GPHN: variants seen among roughly 807,000 people sequenced by gnomAD.
GPHN encodes the protein gephyrin.
Under a neutral mutation model 95.5 loss-of-function variants are expected in GPHN, and 17 were observed. The observed-to-expected ratio is 0.18, with a 90% CI of 0.12 to 0.27. GPHN has a LOEUF of 0.27. Ranked by LOEUF, GPHN falls within the 10% of genes least tolerant of loss-of-function variation. The probability of loss-of-function intolerance (pLI) is 1.00; values close to 1 mark genes in which losing one functional copy is unlikely to be tolerated. For synonymous variants in GPHN, 320 were observed against 322.5 expected (o/e 0.99, Z 0.08); for missense variants, 660 against 978.1 (o/e 0.67, Z 4.34).
At chr14:67,441,585 G>A in the GPHN span, among the ~76,000 whole-genome samples, 1 of 152,152 alleles carries the variant, frequency 6.6e-6, no homozygotes, top group Non-Finnish European at 1.5e-5. Context: ...CAGGTGCTTG[G>A]CTCAACATTA....
At chr14:67,367,109 A>C in the GPHN span, among the ~76,000 whole-genome samples, 5 of 152,350 alleles carry the variant, frequency 3.3e-5, no homozygotes, top group East Asian at 9.6e-4. Flanking sequence ...ACTGAAACAC[A>C]GGGTGGACTC....
At chr14:67,445,190 G>A in the GPHN span, among the ~76,000 whole-genome samples, 1 of 152,176 alleles carries the variant, frequency 6.6e-6, no homozygotes, top group Non-Finnish European at 1.5e-5. Context: ...ATCATAAGTA[G>A]AGCAATTTCT....
chr14:67,725,403 C>G, the GPHN span: 13 of 830,176 alleles, frequency 1.6e-5, no homozygotes, highest in Admixed American at 2.6e-4. Context: ...AGGGAATTGG[C>G]AAGAGGATGG....
chr14:67,155,497 C>A (rs1350107469), intron 18 of GPHN, among the ~76,000 whole-genome samples: 1 of 152,056 alleles, frequency 6.6e-6, no homozygotes, highest in African/African-American at 2.4e-5. Context: ...CTCACATGGA[C>A]TTTAATAACC....
At chr14:66,580,917 A>G (rs1407120267) in intron 1 of GPHN, among the ~76,000 whole-genome samples, 1 of 151,862 alleles carries the variant, frequency 6.6e-6, no homozygotes, top group East Asian at 1.9e-4. Context: ...GAAATTCTCA[A>G]TGAAATACTA....
At chr14:66,703,996 A>G (rs1340133592) in intron 2 of GPHN, among the ~76,000 whole-genome samples, 3 of 152,026 alleles carry the variant, frequency 2.0e-5, no homozygotes, top group Non-Finnish European at 4.4e-5. Context: ...AAAAAGAAAA[A>G]AAAAAGGGCA....
chr14:66,654,926 C>T (rs928991571), intron 1 of GPHN, among the ~76,000 whole-genome samples: 2 of 152,102 alleles, frequency 1.3e-5, no homozygotes, highest in Non-Finnish European at 2.9e-5. Flanking sequence ...ATCGGTTGGG[C>T]ATATTTGTGT....
intron 13 of GPHN, among the ~76,000 whole-genome samples, chr14:67,108,439 C>CA (rs2153684146): frequency 6.6e-6 from 1 of 152,224 alleles, no homozygotes; most frequent in Non-Finnish European, 1.5e-5. Context: ...GACCACAGCA[C>CA]AGAGTAGAGA....
chr14:67,622,431 G>T, the GPHN span, among the ~76,000 whole-genome samples: 28 of 152,152 alleles, frequency 1.8e-4, no homozygotes, highest in Non-Finnish European at 3.5e-4. Context: ...TATGGATATG[G>T]TGACATGGAT....
chr14:67,271,638 T>A, the GPHN span: 1 of 152,268 alleles, frequency 6.6e-6, no homozygotes, highest in African/African-American at 2.4e-5. Context: ...TTAAACATGC[T>A]GTCTTGGGTA....
chr14:67,705,011 C>A, the GPHN span, among the ~76,000 whole-genome samples: 19,201 of 152,144 alleles, frequency 0.13, 1,477 homozygotes, highest in South Asian at 0.33. Context: ...ACTCTGAAAT[C>A]CTGTCAGCTA....
chr14:67,083,234 C>T (rs531311522), intron 11 of GPHN, among the ~76,000 whole-genome samples: 3 of 151,864 alleles, frequency 2.0e-5, no homozygotes, highest in South Asian at 4.2e-4. Context: ...TCTATGCCCC[C>T]CCCCCTCCAA....
At chr14:67,206,212 G>A in the GPHN span, among the ~76,000 whole-genome samples, 125 of 151,640 alleles carry the variant, frequency 8.2e-4, 5 homozygotes, top group Admixed American at 3.3e-4. Flanking sequence ...AAAGAAAGAT[G>A]GTAGGGATGG....
intron 2 of GPHN, among the ~76,000 whole-genome samples, chr14:66,726,693 G>A (rs1465177771): frequency 6.6e-6 from 1 of 152,076 alleles, no homozygotes; most frequent in Non-Finnish European, 1.5e-5. Flanking sequence ...TTGCACACAA[G>A]TATTACAAAC....
chr14:67,652,965 T>C, the GPHN span, among the ~76,000 whole-genome samples: 1 of 152,122 alleles, frequency 6.6e-6, no homozygotes, highest in African/African-American at 2.4e-5. Flanking sequence ...AATTTTTTTG[T>C]ATTTTTAGTA....
At chr14:66,580,875 G>A (rs966470676) in intron 1 of GPHN, among the ~76,000 whole-genome samples, 1 of 151,614 alleles carries the variant, frequency 6.6e-6, no homozygotes, top group Non-Finnish European at 1.5e-5. Flanking sequence ...AAAAAAAAAT[G>A]CAGGCCAATA....
the GPHN span, among the ~76,000 whole-genome samples, chr14:67,523,554 A>G: frequency 6.6e-6 from 1 of 152,206 alleles, no homozygotes; most frequent in Non-Finnish European, 1.5e-5. Context: ...CTGTGCTCCA[A>G]GTAATGGCTT....
the GPHN span, chr14:67,690,522 T>C: frequency 1.1e-6 from 1 of 950,594 alleles, no homozygotes; most frequent in Non-Finnish European, 1.6e-6. Context: ...AATTCAGAAA[T>C]AAGGTCTTTC....
intron 12 of GPHN, among the ~76,000 whole-genome samples, chr14:67,089,571 A>G (rs2077065800): frequency 6.6e-6 from 1 of 152,152 alleles, no homozygotes; most frequent in Non-Finnish European, 1.5e-5. Flanking sequence ...GCCAGACAGC[A>G]TACATTCTTA....
Sources: allele counts gnomAD v4.1 joint callset (sites outside exome capture counted in the v4.1 genomes callset), GRCh38; gene constraint gnomAD v4.1.1; transcripts MANE v1.5; gene names NCBI Gene and HGNC (gene_info 2026-07-23, HGNC 2026-07-21).